CYTH3: variants seen among roughly 807,000 people sequenced by gnomAD.
The protein encoded by CYTH3 is cytohesin-3.
In CYTH3, 23 loss-of-function variants were observed where a neutral mutation model predicts 55.1. The ratio of observed to expected loss-of-function variants is 0.42; its 90% confidence interval spans 0.30 to 0.59. The LOEUF (loss-of-function observed/expected upper bound fraction) is 0.59, where lower values mean the gene tolerates loss of function less well. Ranked by LOEUF, CYTH3 falls within the 20% of genes least tolerant of loss-of-function variation. The pLI, the probability that CYTH3 is intolerant of heterozygous loss-of-function variation, is 0.20. For missense variants in CYTH3, 413 were observed against 524.8 expected, an observed-to-expected ratio of 0.79 and a Z score of 2.08; for synonymous variants, 249 against 194.9, an observed-to-expected ratio of 1.28 and a Z score of -2.31.
chr7:6,227,119 G>A (rs927785668), intron 1 of CYTH3, among the ~76,000 whole-genome samples: 1 of 151,326 alleles, frequency 6.6e-6, no homozygotes, highest in Non-Finnish European at 1.5e-5. Flanking sequence ...GGCACATGGT[G>A]TGCCCGCTCT....
chr7:6,248,851 T>G (rs1490388738), intron 1 of CYTH3, among the ~76,000 whole-genome samples: 3 of 152,184 alleles, frequency 2.0e-5, no homozygotes, highest in Non-Finnish European at 4.4e-5. Flanking sequence ...ATCTCTCTTT[T>G]TCTCAATCAC....
At chr7:6,265,521 AG>A (rs1418325022) in intron 1 of CYTH3, among the ~76,000 whole-genome samples, 1 of 151,432 alleles carries the variant, frequency 6.6e-6, no homozygotes, top group Non-Finnish European at 1.5e-5. Flanking sequence ...CAGGAGGCTG[AG>A]GCAGGAGAAT....
chr7:6,189,048 A>G (rs923324823), intron 2 of CYTH3, among the ~76,000 whole-genome samples: 10 of 152,200 alleles, frequency 6.6e-5, no homozygotes, highest in Non-Finnish European at 1.0e-4. Context: ...GTGAAGCCAC[A>G]TTTATTTTGG....
chr7:6,181,756 C>T (rs1783509140), intron 4 of CYTH3, among the ~76,000 whole-genome samples: 3 of 152,264 alleles, frequency 2.0e-5, no homozygotes, highest in South Asian at 4.2e-4. Flanking sequence ...ATTTGGGCTG[C>T]TGGACCCACC....
At chr7:6,256,594 G>C (rs776896506) in intron 1 of CYTH3, among the ~76,000 whole-genome samples, 6 of 152,178 alleles carry the variant, frequency 3.9e-5, no homozygotes, top group African/African-American at 7.2e-5. Flanking sequence ...CCTCTCCTGA[G>C]AAGGAAAAAG....
Position 6,171,372 on chromosome 7 carries a change from AAGG to A in CYTH3, c.450-61_450-59del. The A allele has an allele frequency of 1.3e-6, 2 of 1,551,002 alleles. No individual in the cohort carries two copies. The highest frequency in any genetic ancestry group is 1.8e-6 in the Non-Finnish European group (2 of 1,124,914). On this transcript the variant is annotated intron_variant, in intron 6 of 12. Coordinates refer to ENST00000350796, the MANE Select transcript of CYTH3 (RefSeq NM_004227.4). The surrounding 1 kb of genome is among the most constrained non-coding windows in gnomAD (Gnocchi z 6.7). ...TCAGAACCAACACCGCCTCACGGCC[AAGG>A]GCGGCTTCTGCCCAGCTCAGGAAGG... is the stretch of plus-strand genomic sequence containing the variant.
chr7:6,259,824 ATATATATATT>A lies in CYTH3; in HGVS notation c.34+12640_34+12649del, dbSNP rs1562418232. ...ATATATATATATATAATATATATAT[ATATATATATT>A]TTTTTTTTTTTTTAAGACGGATTTT... On this transcript the variant is annotated intron_variant, in intron 1 of 12. Coordinates refer to ENST00000350796, the MANE Select transcript of CYTH3 (RefSeq NM_004227.4). Among the ~76,000 whole-genome samples, 54 of 24,210 alleles carry A rather than the reference ATATATATATT, an allele frequency of 2.2e-3. 4 individuals carry two copies. Among genetic ancestry groups the A allele is most frequent in the South Asian group, 0.018 (14 of 790 alleles). The allele number at this position is 24,210 out of a possible 152,430, so 15.9% of individuals were successfully genotyped here.
chr7:6,183,901 T>C (rs1409188735), intron 4 of CYTH3, among the ~76,000 whole-genome samples: 1 of 151,802 alleles, frequency 6.6e-6, no homozygotes, highest in African/African-American at 2.4e-5. Context: ...CTCCCCAGCA[T>C]GTGAGGATAC....
intron 6 of CYTH3, chr7:6,172,650 G>A (rs1005766054): frequency 2.3e-5 from 23 of 979,070 alleles, no homozygotes; most frequent in South Asian, 1.0e-4. Context: ...GAACCTCTCC[G>A]GCTCTCGCCA....
chr7:6,207,131 G>A (rs1203769529), intron 1 of CYTH3, among the ~76,000 whole-genome samples: 31 of 115,538 alleles, frequency 2.7e-4, no homozygotes, highest in Non-Finnish European at 3.7e-4. Context: ...GTCTCACTCC[G>A]TCGCCCAGGC....
At position 6,185,672 on chromosome 7, in the gene CYTH3, C is replaced by T. The variant is rs1031216847; in HGVS notation, c.249+1378G>A. On this transcript the variant is annotated intron_variant, in intron 4 of 12. Transcript: ENST00000350796. ...CCGAGATCGCACCACTGCACTCCAG[C>T]CTGGGCAACAGAGTTAGACTCTGTC... Among the ~76,000 whole-genome samples, 11 of 150,532 alleles carry T rather than the reference C, an allele frequency of 7.3e-5. 1 individual carries two copies. Among genetic ancestry groups the T allele is most frequent in the African/African-American group, 2.2e-4 (9 of 40,442 alleles).
chr7:6,195,657 C>T (rs1262053917), intron 1 of CYTH3, among the ~76,000 whole-genome samples: 1 of 151,990 alleles, frequency 6.6e-6, no homozygotes, highest in East Asian at 1.9e-4. Context: ...CTTAAGCAAT[C>T]CTCTATGTCA....
intron 1 of CYTH3, among the ~76,000 whole-genome samples, chr7:6,259,747 T>C (rs1583203932): frequency 5.8e-5 from 1 of 17,158 alleles, no homozygotes; most frequent in South Asian, 1.7e-3. Flanking sequence ...ATATATAATA[T>C]ATATATATAT....
At chr7:6,255,567 G>A (rs1583200780) in intron 1 of CYTH3, among the ~76,000 whole-genome samples, 1 of 151,976 alleles carries the variant, frequency 6.6e-6, no homozygotes, top group African/African-American at 2.4e-5. Context: ...GACCAGAAAG[G>A]CCCCCACCAC....
chr7:6,166,164 A>C (rs544307156), intron 9 of CYTH3, among the ~76,000 whole-genome samples: 1 of 152,310 alleles, frequency 6.6e-6, no homozygotes, highest in South Asian at 2.1e-4. Context: ...CCACCATGTC[A>C]GGTGGTTATC....
At chr7:6,218,980 G>A (rs970575184) in intron 1 of CYTH3, among the ~76,000 whole-genome samples, 1 of 141,848 alleles carries the variant, frequency 7.0e-6, no homozygotes, top group Non-Finnish European at 1.5e-5. Flanking sequence ...ACTCCAGGCT[G>A]GCAACGGGGA....
At chr7:6,253,958 A>T (rs923099032) in intron 1 of CYTH3, among the ~76,000 whole-genome samples, 1 of 150,442 alleles carries the variant, frequency 6.6e-6, no homozygotes, top group African/African-American at 2.5e-5. Flanking sequence ...ATGCCACTGC[A>T]CTCCAGCCTG....
At chr7:6,194,726 C>T (rs926678809) in intron 1 of CYTH3, among the ~76,000 whole-genome samples, 1 of 152,188 alleles carries the variant, frequency 6.6e-6, no homozygotes, top group Non-Finnish European at 1.5e-5. Flanking sequence ...CCTGTAATCC[C>T]AGCACTTTGG....
chr7:6,254,177 C>T (rs1249316619), intron 1 of CYTH3, among the ~76,000 whole-genome samples: 1 of 151,906 alleles, frequency 6.6e-6, no homozygotes, highest in Non-Finnish European at 1.5e-5. Flanking sequence ...GAGCAAGACT[C>T]CACCTCAAAA....
Sources: allele counts gnomAD v4.1 joint callset (sites outside exome capture counted in the v4.1 genomes callset), GRCh38; gene constraint gnomAD v4.1.1; non-coding constraint Gnocchi (gnomAD v3.1); transcripts MANE v1.5; gene names NCBI Gene and HGNC (gene_info 2026-07-23, HGNC 2026-07-21).